Variants in FNDC3B observed in about 807,000 individuals in gnomAD.
The protein encoded by FNDC3B is fibronectin type III domain containing 3B, also known as fibronectin type III domain-containing protein 3B.
In FNDC3B, 12 loss-of-function variants were observed where a neutral mutation model predicts 151.5. The ratio of observed to expected loss-of-function variants is 0.08; its 90% CI spans 0.05 to 0.13. The LOEUF (loss-of-function observed/expected upper bound fraction) is 0.13. Among genes scored for constraint, FNDC3B ranks in the 10% least tolerant of loss-of-function variants. The probability of loss-of-function intolerance (pLI) is 1.00; values close to 1 mark genes in which losing one functional copy is unlikely to be tolerated. For missense variants in FNDC3B, 1,214 were observed against 1,505.3 expected (o/e 0.81, Z 3.20); for synonymous variants, 528 against 549.0 (o/e 0.96, Z 0.54).
At chr3:172,331,297 T>C (rs973271798) in intron 13 of FNDC3B, among the ~76,000 whole-genome samples, 32 of 152,206 alleles carry the variant, frequency 2.1e-4, no homozygotes, top group Non-Finnish European at 3.8e-4. Flanking sequence ...GATTGGGCTC[T>C]CCATTACTGT....
chr3:172,152,471 C>G (rs1442098301), intron 3 of FNDC3B, among the ~76,000 whole-genome samples: 4 of 152,120 alleles, frequency 2.6e-5, no homozygotes, highest in Non-Finnish European at 5.9e-5. Context: ...GTTCTCCATC[C>G]ATTGCCCATT....
At chr3:172,137,056 A>AT (rs1391533893) in intron 3 of FNDC3B, among the ~76,000 whole-genome samples, 1 of 152,108 alleles carries the variant, frequency 6.6e-6, no homozygotes, top group Non-Finnish European at 1.5e-5. Context: ...CTTCCTGGAA[A>AT]TTTTGAAGTC....
intron 2 of FNDC3B, among the ~76,000 whole-genome samples, chr3:172,131,122 C>A (rs765700274): frequency 1.3e-5 from 2 of 152,170 alleles, no homozygotes; most frequent in African/African-American, 4.8e-5. Flanking sequence ...TTTGGCCCGG[C>A]GCAGTGGCTC....
intron 16 of FNDC3B, chr3:172,338,472 T>A (rs1444499064): frequency 6.6e-6 from 1 of 152,186 alleles, no homozygotes; most frequent in Non-Finnish European, 1.5e-5. Context: ...GAATCACACT[T>A]TTATAACAAG....
At chr3:172,120,581 T>C (rs892118553) in intron 2 of FNDC3B, among the ~76,000 whole-genome samples, 1 of 151,596 alleles carries the variant, frequency 6.6e-6, no homozygotes, top group Non-Finnish European at 1.5e-5. Context: ...GGGGGGTGTG[T>C]GTGTTGTTTT....
intron 4 of FNDC3B, 87 bp downstream of exon 4, chr3:172,227,034 C>T (rs1353613301): frequency 7.3e-6 from 7 of 960,038 alleles, no homozygotes; most frequent in African/African-American, 1.6e-5. Flanking sequence ...AGCCATATTC[C>T]AGGAGTTAAT....
intron 23 of FNDC3B, among the ~76,000 whole-genome samples, chr3:172,374,955 G>A (rs1735062605): frequency 1.3e-5 from 2 of 152,132 alleles, no homozygotes; most frequent in African/African-American, 4.8e-5. Flanking sequence ...TTGTTGTAGA[G>A]AGTAAAATGA....
Position 172,093,345 on chromosome 3 carries a change from G to C in FNDC3B, c.-28-19107G>C, listed in dbSNP as rs951101919. ...ACTATCTTGGCTCACTGCAAGCTCC[G>C]CCTCCCGGGTTCACGCCATTCTCCT... On this transcript the variant is annotated intron_variant, in intron 1 of 25. Coordinates refer to ENST00000415807, the MANE Select transcript of FNDC3B (RefSeq NM_022763.4). Among the ~76,000 whole-genome samples, 3 of 150,290 alleles carry C rather than the reference G, an allele frequency of 2.0e-5. No individual in the cohort carries two copies. The Admixed American group carries it at 2.0e-4, about 10-fold the overall frequency.
chr3:172,273,213 TG>T (rs1225074598), intron 6 of FNDC3B, among the ~76,000 whole-genome samples: 3 of 152,206 alleles, frequency 2.0e-5, no homozygotes, highest in African/African-American at 4.8e-5. Context: ...TCGTTCAAAA[TG>T]TAGAAATATA....
Position 172,112,420 on chromosome 3 carries a change from G to A in FNDC3B, c.-28-32G>A. On this transcript the variant is annotated intron_variant, in intron 1 of 25. Transcript: ENST00000415807. ...TTACAGGTGATTTTTGTGGTTCTGA[G>A]TCCTTTTTAAAAAGCGGCGGTTCTC... 7.7e-6 allele frequency: 9 copies of A among 1,173,852 alleles called. No individual in the cohort carries two copies. The South Asian group carries it at 1.1e-4, about 14-fold the overall frequency. 72.7% of individuals were successfully genotyped at this position (1,173,852 alleles called of 1,614,324 possible).
At chr3:172,160,081 C>T (rs1018874583) in intron 3 of FNDC3B, among the ~76,000 whole-genome samples, 2 of 152,196 alleles carry the variant, frequency 1.3e-5, no homozygotes. Context: ...TCAGCCTTCT[C>T]GCCTGCCTGT....
chr3:172,230,033 A>G (rs1327600893), intron 4 of FNDC3B, among the ~76,000 whole-genome samples: 1 of 152,214 alleles, frequency 6.6e-6, no homozygotes. Context: ...ATAAACATAA[A>G]TCTAGGAACT....
chr3:172,380,914 A>G (rs535152807), intron 24 of FNDC3B, 52 bp from the exon 25 acceptor site: 7 of 1,599,896 alleles, frequency 4.4e-6, no homozygotes, highest in South Asian at 1.1e-5. Context: ...AGTGTTGACT[A>G]TTAACATGAT....
At chr3:172,180,160 G>T (rs924411365) in intron 3 of FNDC3B, among the ~76,000 whole-genome samples, 2 of 150,186 alleles carry the variant, frequency 1.3e-5, no homozygotes, top group African/African-American at 5.0e-5. Context: ...AGAGAAGTGG[G>T]TGTGCACAGT....
intron 17 of FNDC3B, among the ~76,000 whole-genome samples, chr3:172,341,717 C>A (rs1733333795): frequency 6.6e-6 from 1 of 152,190 alleles, no homozygotes; most frequent in African/African-American, 2.4e-5. Flanking sequence ...TCCATGATGA[C>A]TGAGCTGAGT....
intron 2 of FNDC3B, chr3:172,126,966 A>T (rs1720836194): frequency 4.4e-6 from 2 of 455,860 alleles, no homozygotes; most frequent in South Asian, 3.1e-5. Context: ...CGGGACACAC[A>T]GAAGCTGAGC....
chr3:172,146,092 CG>C (rs1387959338), intron 3 of FNDC3B, among the ~76,000 whole-genome samples: 2 of 151,970 alleles, frequency 1.3e-5, no homozygotes, highest in East Asian at 3.9e-4. Context: ...GGATTACAGG[CG>C]TGAGCCACCG....
At chr3:172,047,266 G>T (rs1716411934) in intron 1 of FNDC3B, among the ~76,000 whole-genome samples, 1 of 152,104 alleles carries the variant, frequency 6.6e-6, no homozygotes, top group Non-Finnish European at 1.5e-5. Context: ...AAATATAATG[G>T]TTTAATTTAT....
At chr3:172,249,219 C>G in intron 5 of FNDC3B, among the ~76,000 whole-genome samples, 1 of 152,104 alleles carries the variant, frequency 6.6e-6, no homozygotes, top group Non-Finnish European at 1.5e-5. Flanking sequence ...TGGTGACTGA[C>G]TCATTGCTTG....
Sources: gnomAD v4.1 joint callset for allele counts (sites outside exome capture counted in the v4.1 genomes callset) on GRCh38, gnomAD v4.1.1 for gene constraint, MANE v1.5 for transcripts, NCBI Gene and HGNC (gene_info 2026-07-23, HGNC 2026-07-21) for gene names.